The following AOAH variants were observed in gnomAD, a reference collection of about 807,000 sequenced individuals.
The protein encoded by AOAH is acyloxyacyl hydrolase.
AOAH carries 64 observed loss-of-function variants against 92.2 expected under a neutral mutation model. The observed-to-expected ratio is 0.69, with a 90% CI of 0.57 to 0.86. The LOEUF (loss-of-function observed/expected upper bound fraction) is 0.86. AOAH is among the 40% of genes least tolerant of loss of function. AOAH has a pLI of 0.00. For missense variants in AOAH, 656 were observed against 694.6 expected, an observed-to-expected ratio of 0.94 and a Z score of 0.62; for synonymous variants, 263 against 254.5, an observed-to-expected ratio of 1.03 and a Z score of -0.32.
rs1196233642 is a variant in AOAH at position 36,532,208 on chromosome 7, T to C, written c.1366-2A>G. The C allele has an allele frequency of 6.2e-7, 1 of 1,614,048 alleles. No individual in the cohort carries two copies. Among genetic ancestry groups the C allele is most frequent in the African/African-American group, 1.3e-5 (1 of 74,918 alleles). On this transcript the variant is annotated splice_acceptor_variant, in intron 17 of 20. Transcript: ENST00000617537. LOFTEE classifies it high-confidence loss of function. ...CATCCAGCCGTGGCAGGGGCTGACC[T>C]GAGAGCGGGAAAACACTTTTGATTA...
chr7:36,551,459 C>T (rs1278653922), intron 13 of AOAH, among the ~76,000 whole-genome samples: 1 of 152,160 alleles, frequency 6.6e-6, no homozygotes, highest in African/African-American at 2.4e-5. Context: ...CACCACCCAT[C>T]TCCAGAACTT....
At chr7:36,639,407 T>C (rs1793744369) in intron 4 of AOAH, among the ~76,000 whole-genome samples, 1 of 152,174 alleles carries the variant, frequency 6.6e-6, no homozygotes, top group Non-Finnish European at 1.5e-5. Context: ...GTCTCAGAAA[T>C]AGTCCTTTGC....
intron 11 of AOAH, among the ~76,000 whole-genome samples, chr7:36,596,557 G>C (rs569744065): frequency 3.3e-5 from 5 of 152,332 alleles, no homozygotes; most frequent in African/African-American, 9.6e-5. Context: ...GGAAGAGACA[G>C]AAATGAAGAC....
At chr7:36,665,627 G>A (rs1031980191) in intron 3 of AOAH, among the ~76,000 whole-genome samples, 1 of 152,086 alleles carries the variant, frequency 6.6e-6, no homozygotes, top group African/African-American at 2.4e-5. Context: ...CCTCATACTA[G>A]TGGGAAAGCT....
chr7:36,565,830 C>T (rs566564733), intron 13 of AOAH, among the ~76,000 whole-genome samples: 2 of 152,148 alleles, frequency 1.3e-5, no homozygotes, highest in South Asian at 4.2e-4. Context: ...CATGAGACAC[C>T]GTGCCTGGCC....
intron 7 of AOAH, among the ~76,000 whole-genome samples, chr7:36,622,548 T>G (rs1792356574): frequency 6.6e-6 from 1 of 151,748 alleles, no homozygotes; most frequent in Admixed American, 6.6e-5. Flanking sequence ...ACATTTTAAC[T>G]GTTCTGAATC....
chr7:36,591,659 G>C (rs111386197), intron 12 of AOAH, among the ~76,000 whole-genome samples: 2,744 of 152,310 alleles, frequency 0.018, 66 homozygotes, highest in African/African-American at 0.061. Context: ...AAGAGCTAGT[G>C]GGATTTTACA....
intron 13 of AOAH, among the ~76,000 whole-genome samples, chr7:36,569,412 A>G (rs1787937707): frequency 6.6e-6 from 1 of 152,180 alleles, no homozygotes; most frequent in African/African-American, 2.4e-5. Flanking sequence ...GTTCAAAAGC[A>G]GATGAGTCTT....
At position 36,724,040 on chromosome 7, in the gene AOAH, T is replaced by A. The variant is rs1366116407; in HGVS notation, c.109A>T (p.Asn37Tyr). 1 of 1,613,658 alleles carries A rather than the reference T, an allele frequency of 6.2e-7. No individual in the cohort carries two copies. Among genetic ancestry groups the A allele is most frequent in the Non-Finnish European group, 8.5e-7 (1 of 1,179,714 alleles). The change falls in exon 1 of 21, where the codon AAT becomes TAT. Residue 37 changes from asparagine to tyrosine, a missense_variant. By Grantham distance (143) the Asn-to-Tyr change is moderately radical. Transcript: ENST00000617537. ...NDDQSRPSLS[N>Y]GHTCVGCVLV... is the part of the protein sequence containing the mutation. The stretch of plus-strand genomic sequence containing the variant: ...TGCATACCTACACAGGTGTGCCCAT[T>A]CGAGAGGCTGGGCCTGGACTGGTCA...
At chr7:36,678,670 T>C (rs191978579) in intron 2 of AOAH, among the ~76,000 whole-genome samples, 2 of 150,556 alleles carry the variant, frequency 1.3e-5, no homozygotes, top group Non-Finnish European at 3.0e-5. Context: ...CCTTCCTCCC[T>C]GAGCAGAACC....
At chr7:36,605,637 A>T (rs1349753726) in intron 11 of AOAH, among the ~76,000 whole-genome samples, 3 of 152,218 alleles carry the variant, frequency 2.0e-5, no homozygotes, top group Non-Finnish European at 4.4e-5. Context: ...TTTTCATAAC[A>T]ACTGGTGTTT....
rs148105713 is a variant in AOAH at position 36,558,928 on chromosome 7, C to T, written c.1022-9453G>A. On this transcript the variant is annotated intron_variant, in intron 13 of 20. Coordinates refer to ENST00000617537, the MANE Select transcript of AOAH (RefSeq NM_001637.4). ...GAACTCCTTGACCCCTTGCACTTCC[C>T]GAGTGAGGCAATGCCTCGCCCTGTT... Among the ~76,000 whole-genome samples, 330 of 152,384 alleles carry T rather than the reference C, an allele frequency of 2.2e-3. 1 individual carries two copies. The highest frequency in any genetic ancestry group is 7.2e-3 in the African/African-American group (298 of 41,600).
chr7:36,588,100 A>G (rs1789481572), intron 12 of AOAH, among the ~76,000 whole-genome samples: 2 of 152,354 alleles, frequency 1.3e-5, no homozygotes, highest in South Asian at 4.1e-4. Flanking sequence ...AATTTAATAA[A>G]ATTAATAATG....
In AOAH at chr7:36,534,982, G is replaced by C. The variant is rs11976066; in HGVS notation, c.1307-2638C>G. Among the ~76,000 whole-genome samples, 22 of 149,952 alleles carry C rather than the reference G, an allele frequency of 1.5e-4. No individual in the cohort carries two copies. In the South Asian group the frequency reaches 3.8e-3, roughly 26 times the overall value. On this transcript the variant is annotated intron_variant, in intron 16 of 20. Transcript: ENST00000617537. ...TCTGTGTCTGTGTCTCTGTGTGTGT[G>C]TTTGTGTGTGTCTGCTTGTGTGTAT...
At chr7:36,611,672 C>A (rs930814765) in intron 11 of AOAH, among the ~76,000 whole-genome samples, 4 of 152,150 alleles carry the variant, frequency 2.6e-5, no homozygotes, top group Non-Finnish European at 5.9e-5. Flanking sequence ...CTTTCCTCAG[C>A]CTCTGAGGCC....
chr7:36,673,937 A>G lies in AOAH; in HGVS notation c.290+6T>C, dbSNP rs766554454. 3 of 1,600,276 alleles carry G rather than the reference A, an allele frequency of 1.9e-6. No individual in the cohort carries two copies. In the Admixed American group the frequency reaches 5.0e-5, roughly 27 times the overall value. On this transcript the variant is annotated splice_donor_region_variant and intron_variant, in intron 3 of 20. Coordinates refer to ENST00000617537, the MANE Select transcript of AOAH (RefSeq NM_001637.4). ...GAATCAGAGTTATGTGTCATGGCAT[A>G]CTCACAGTTTTATGATGTCTGATCC...
At chr7:36,670,398 C>T (rs550548734) in intron 3 of AOAH, among the ~76,000 whole-genome samples, 142 of 152,300 alleles carry the variant, frequency 9.3e-4, no homozygotes, top group African/African-American at 3.3e-3. Context: ...GTGGACAGAA[C>T]CACGAAGGTG....
chr7:36,650,286 T>C (rs1295946674), intron 4 of AOAH, among the ~76,000 whole-genome samples: 1 of 152,204 alleles, frequency 6.6e-6, no homozygotes, highest in Non-Finnish European at 1.5e-5. Flanking sequence ...GTTCTCTCTG[T>C]CTTTCTAAGA....
At chr7:36,721,647 T>C (rs1176713138) in intron 1 of AOAH, among the ~76,000 whole-genome samples, 1 of 152,164 alleles carries the variant, frequency 6.6e-6, no homozygotes. Context: ...GGAAAATGGA[T>C]GCTAAATCAT....
Sources: gnomAD v4.1 joint callset for allele counts (sites outside exome capture counted in the v4.1 genomes callset) on GRCh38, gnomAD v4.1.1 for gene constraint, MANE v1.5 for transcripts, NCBI Gene and HGNC (gene_info 2026-07-23, HGNC 2026-07-21) for gene names.